The following ZNF407 variants were observed in gnomAD, a reference collection of about 807,000 sequenced individuals.
ZNF407 encodes the protein zinc finger protein 407.
ZNF407 carries 17 observed loss-of-function variants against 131.2 expected under a neutral mutation model. The observed-to-expected ratio is 0.13, with a 90% CI of 0.09 to 0.19. The LOEUF (loss-of-function observed/expected upper bound fraction) is 0.19. Among genes scored for constraint, ZNF407 ranks in the 10% least tolerant of loss-of-function variants. The pLI, the probability that ZNF407 is intolerant of heterozygous loss-of-function variation, is 1.00. For missense variants in ZNF407, 2,681 were observed against 2,830.6 expected, an observed-to-expected ratio of 0.95 and a Z score of 1.20; for synonymous variants, 1,156 against 1,062.0, an observed-to-expected ratio of 1.09 and a Z score of -1.72.
Position 75,050,768 on chromosome 18 carries a change from C to T in ZNF407, c.5429-12382C>T, listed in dbSNP as rs1357110150. 4.6e-5 allele frequency among the ~76,000 whole-genome samples: 7 copies of T among 152,284 alleles called. No homozygotes were observed. The South Asian group carries it at 6.2e-4, about 14-fold the overall frequency. ...AGGCTGATTTCTCTAGAAACATCCACGAAAAGATAATCTACAGTAAAGGTA... is the reference window on the plus strand; with the variant it reads ...AGGCTGATTTCTCTAGAAACATCCATGAAAAGATAATCTACAGTAAAGGTA... On this transcript the variant is annotated intron_variant, in intron 8 of 8. Coordinates refer to ENST00000299687, the MANE Select transcript of ZNF407 (RefSeq NM_017757.3).
intron 1 of ZNF407, among the ~76,000 whole-genome samples, chr18:74,603,828 T>C (rs1384695649): frequency 6.6e-6 from 1 of 152,252 alleles, no homozygotes; most frequent in African/African-American, 2.4e-5. Context: ...CTTGATGAGC[T>C]TCCAGTGTTA....
At chr18:74,974,967 G>A (rs1472005155) in intron 8 of ZNF407, among the ~76,000 whole-genome samples, 2 of 152,220 alleles carry the variant, frequency 1.3e-5, no homozygotes, top group African/African-American at 4.8e-5. Flanking sequence ...TCGATCTACT[G>A]ATTTTTATGT....
chr18:74,739,960 AAGTC>A (rs758353542), intron 3 of ZNF407, among the ~76,000 whole-genome samples: 50 of 152,308 alleles, frequency 3.3e-4, no homozygotes, highest in Admixed American at 2.8e-3. Flanking sequence ...TGAATATACT[AAGTC>A]AGTCAGTGTT....
chr18:74,781,986 T>A (rs1345409037), intron 4 of ZNF407, among the ~76,000 whole-genome samples: 1 of 152,186 alleles, frequency 6.6e-6, no homozygotes, highest in Non-Finnish European at 1.5e-5. Flanking sequence ...AACACTACAA[T>A]TATTATGTCA....
At chr18:74,950,801 T>A (rs562459676) in intron 8 of ZNF407, among the ~76,000 whole-genome samples, 1 of 152,338 alleles carries the variant, frequency 6.6e-6, no homozygotes, top group South Asian at 2.1e-4. Context: ...ACACACATGC[T>A]TCATGCTCTC....
At chr18:74,787,413 A>G (rs1008111001) in intron 4 of ZNF407, among the ~76,000 whole-genome samples, 2 of 152,210 alleles carry the variant, frequency 1.3e-5, no homozygotes, top group Non-Finnish European at 1.5e-5. Flanking sequence ...ACTAACAATA[A>G]TATTTTCTAA....
At chr18:74,599,241 A>G (rs1982465783) in intron 1 of ZNF407, among the ~76,000 whole-genome samples, 1 of 152,250 alleles carries the variant, frequency 6.6e-6, no homozygotes. Context: ...GTACAAGGTA[A>G]AGCTTTCTTC....
chr18:75,063,709 C>T lies in ZNF407; in HGVS notation c.5988C>T (p.Val1996=), dbSNP rs1195702257. 21 of 1,612,138 alleles carry T rather than the reference C, an allele frequency of 1.3e-5. No homozygotes were observed. Among genetic ancestry groups the T allele is most frequent in the East Asian group, 2.2e-5 (1 of 44,828 alleles). ...SSALDALLCA[V]TELGEVEGRA... ...CCCTGGATGCATTGCTCTGTGCGGT[C>T]ACTGAATTAGGGGAGGTGGAGGGCA... The change falls in exon 9 of 9, where the codon GTC becomes GTT. Residue 1996 remains valine, a synonymous_variant. Coordinates refer to ENST00000299687, the MANE Select transcript of ZNF407 (RefSeq NM_017757.3). This position sits in a 1 kb window ranked among gnomAD's most constrained non-coding sequence, Gnocchi z 6.6.
At chr18:74,799,768 G>A (rs148267646) in intron 4 of ZNF407, among the ~76,000 whole-genome samples, 7 of 151,990 alleles carry the variant, frequency 4.6e-5, no homozygotes, top group Non-Finnish European at 7.4e-5. Flanking sequence ...TTTGGAGAAT[G>A]CGTATGCACC....
At chr18:74,993,656 T>C (rs1267710644) in intron 8 of ZNF407, among the ~76,000 whole-genome samples, 2 of 152,184 alleles carry the variant, frequency 1.3e-5, no homozygotes, top group Admixed American at 6.5e-5. Flanking sequence ...TTTTAAAAAA[T>C]GTTTGAAGCT....
intron 4 of ZNF407, among the ~76,000 whole-genome samples, chr18:74,876,209 G>C (rs773708351): frequency 6.6e-6 from 1 of 152,170 alleles, no homozygotes; most frequent in African/African-American, 2.4e-5. Flanking sequence ...TAAAATTTAT[G>C]ATAGCCAACC....
At chr18:74,745,995 G>A (rs1486678119) in intron 3 of ZNF407, among the ~76,000 whole-genome samples, 1 of 152,148 alleles carries the variant, frequency 6.6e-6, no homozygotes, top group Non-Finnish European at 1.5e-5. Context: ...TGAGAAATGA[G>A]TTAGGCGATT....
chr18:74,866,987 GAAAAAAAAAA>G (rs35418996), intron 4 of ZNF407, among the ~76,000 whole-genome samples: 3 of 62,788 alleles, frequency 4.8e-5, no homozygotes, highest in African/African-American at 1.9e-4. Context: ...GTGTCTACCC[GAAAAAAAAAA>G]AAAAAAAAAA....
intron 4 of ZNF407, among the ~76,000 whole-genome samples, chr18:74,850,154 A>C (rs894887163): frequency 6.6e-6 from 1 of 152,290 alleles, no homozygotes; most frequent in Non-Finnish European, 1.5e-5. Flanking sequence ...ACAAATATTT[A>C]CCATTTTTGC....
intron 2 of ZNF407, among the ~76,000 whole-genome samples, chr18:74,638,367 G>GATGAATGA (rs72363699): frequency 6.6e-6 from 1 of 151,850 alleles, no homozygotes; most frequent in African/African-American, 2.4e-5. Flanking sequence ...TGAACGAGCA[G>GATGAATGA]ATGAATGAAT....
intron 7 of ZNF407, among the ~76,000 whole-genome samples, chr18:74,910,581 T>C (rs1971656103): frequency 1.3e-5 from 2 of 152,192 alleles, no homozygotes; most frequent in Admixed American, 6.5e-5. Flanking sequence ...CAGAATTTAT[T>C]GTGAAGCCTC....
chr18:74,627,020 C>T (rs1012080579), intron 1 of ZNF407, among the ~76,000 whole-genome samples: 1 of 152,164 alleles, frequency 6.6e-6, no homozygotes, highest in Non-Finnish European at 1.5e-5. Context: ...TTATAATGCC[C>T]CTCCTTGTGC....
At chr18:75,020,503 A>T (rs1456291327) in intron 8 of ZNF407, among the ~76,000 whole-genome samples, 1 of 152,188 alleles carries the variant, frequency 6.6e-6, no homozygotes, top group Non-Finnish European at 1.5e-5. Flanking sequence ...CTATCGGAAG[A>T]AGGAAAGTTA....
intron 4 of ZNF407, among the ~76,000 whole-genome samples, chr18:74,863,594 A>G (rs544284293): frequency 6.6e-6 from 1 of 152,284 alleles, no homozygotes; most frequent in South Asian, 2.1e-4. Flanking sequence ...TCTAGATTTT[A>G]TGAAAGGAAA....
Sources: allele counts gnomAD v4.1 joint callset (sites outside exome capture counted in the v4.1 genomes callset), GRCh38; gene constraint gnomAD v4.1.1; non-coding constraint Gnocchi (gnomAD v3.1); transcripts MANE v1.5; gene names NCBI Gene and HGNC (gene_info 2026-07-23, HGNC 2026-07-21).